Variants in NSD2 observed in about 807,000 individuals in gnomAD.
The protein encoded by NSD2 is histone-lysine N-methyltransferase NSD2.
NSD2 carries 12 observed loss-of-function variants against 139.0 expected under a neutral mutation model. That is an observed-to-expected ratio of 0.09 (90% CI 0.06 to 0.14). The LOEUF is 0.14. NSD2 is among the 10% of genes least tolerant of loss of function. NSD2 has a pLI of 1.00. For missense variants in NSD2, 1,155 were observed against 1,745.0 expected (o/e 0.66, Z 6.02); for synonymous variants, 669 against 648.7 (o/e 1.03, Z -0.48).
chr4:1,938,596 G>T, intron 8 of NSD2, 64 bp downstream of exon 8: 2 of 760,492 alleles, frequency 2.6e-6, no homozygotes, highest in South Asian at 1.4e-5. Context: ...GGGTGGGTGG[G>T]CTGAGAGTGT....
At chr4:1,946,141 T>TA (rs1346340003) in intron 9 of NSD2, 2 of 1,027,430 alleles carry the variant, frequency 1.9e-6, no homozygotes, top group South Asian at 9.2e-5. Context: ...AAAGCTAAAT[T>TA]ATAGTCTTTT....
At chr4:1,887,909 T>C (rs575335072) in intron 1 of NSD2, among the ~76,000 whole-genome samples, 12 of 151,972 alleles carry the variant, frequency 7.9e-5, no homozygotes, top group African/African-American at 2.7e-4. Context: ...GTTCCTTTTT[T>C]TCTTTTTTTT....
rs372548092 is a variant in NSD2 at position 1,930,641 on chromosome 4, C to G, written c.1426C>G (p.Pro476Ala). The change falls in exon 6 of 22, where the codon CCA (proline) becomes GCA (alanine). Residue 476 changes from proline (P) to alanine (A), a missense_variant. Transcript: ENST00000508803. ...KHRDEVVAEH[P>A]DASGEEIEEL... ...GTTCCCACAGGTGGTAGCTGAGCAC[C>G]CAGATGCTTCAGGTGAGGAGATTGA... The G allele has an allele frequency of 4.3e-6, 7 of 1,610,796 alleles. No homozygotes were observed. The highest frequency in any genetic ancestry group is 1.7e-5 in the Admixed American group (1 of 59,598).
intron 15 of NSD2, among the ~76,000 whole-genome samples, 169 bp from the exon 16 acceptor site, chr4:1,957,764 G>A (rs902329618): frequency 6.6e-6 from 1 of 152,068 alleles, no homozygotes; most frequent in Non-Finnish European, 1.5e-5. Flanking sequence ...ACACTTGGCC[G>A]CATTTAAAAA....
At chr4:1,968,495 C>T (rs1726111575) in intron 18 of NSD2, among the ~76,000 whole-genome samples, 1 of 152,076 alleles carries the variant, frequency 6.6e-6, no homozygotes, top group African/African-American at 2.4e-5. Context: ...ACATGGGAAA[C>T]TGCTAAATGA....
Position 1,978,841 on chromosome 4 carries a change from G to A in NSD2, c.4030G>A (p.Glu1344Lys), listed in dbSNP as rs950025435. ...CACCAAGACTGAGAAGCCCCCCCCA[G>A]AGCCAGGGAAGCCGAAGGGGAAGAG... ...RSTKTEKPPP[E>K]PGKPKGKRRR... Residue 1344 changes from glutamate to lysine, a missense_variant, in exon 22 of 22, where the codon GAG becomes AAG. By Grantham distance (56) the Glu-to-Lys change is moderately conservative (BLOSUM62 1). Coordinates refer to ENST00000508803, the MANE Select transcript of NSD2 (RefSeq NM_001042424.3). 8 of 1,602,528 alleles carry A rather than the reference G, an allele frequency of 5.0e-6. No individual in the cohort carries two copies. The highest frequency in any genetic ancestry group is 2.2e-5 in the East Asian group (1 of 44,514).
At chr4:1,888,211 G>A (rs1254144814) in intron 1 of NSD2, among the ~76,000 whole-genome samples, 2 of 151,912 alleles carry the variant, frequency 1.3e-5, no homozygotes, top group South Asian at 2.1e-4. Context: ...TCAGGAGTTC[G>A]AGACCAGCCT....
intron 1 of NSD2, among the ~76,000 whole-genome samples, chr4:1,873,171 T>C (rs565042993): frequency 1.3e-5 from 2 of 152,326 alleles, no homozygotes; most frequent in East Asian, 3.9e-4. Flanking sequence ...TGATGGTTGG[T>C]AGAGTGAGGA....
chr4:1,911,599 AAAAAAAAAG>A (rs1718689452), intron 3 of NSD2, among the ~76,000 whole-genome samples: 2 of 147,838 alleles, frequency 1.4e-5, no homozygotes, highest in South Asian at 2.2e-4. Context: ...AAAAAAAAAA[AAAAAAAAAG>A]AAAAAAAAAA....
chr4:1,938,401 C>CTTTTTTTTTCTTTT (rs1722674160), intron 7 of NSD2, 50 bp from the exon 8 acceptor site: 1 of 854,920 alleles, frequency 1.2e-6, no homozygotes, highest in African/African-American at 2.8e-5. Flanking sequence ...TTTTTCTTTT[C>CTTTTTTTTTCTTTT]TTTTTTTTTT....
intron 7 of NSD2, among the ~76,000 whole-genome samples, chr4:1,938,176 C>A (rs546622975): frequency 1.3e-5 from 2 of 152,296 alleles, no homozygotes; most frequent in Admixed American, 1.3e-4. Context: ...CCTCGCCCTC[C>A]TGACAGATGC....
At chr4:1,961,216 T>A in intron 18 of NSD2, 65 bp downstream of exon 18, 1 of 1,359,272 alleles carries the variant, frequency 7.4e-7, no homozygotes, top group Non-Finnish European at 1.0e-6. Context: ...TGGTCACCTG[T>A]AGAACTGGAC....
intron 8 of NSD2, chr4:1,939,417 C>T (rs1462750327): frequency 7.3e-6 from 4 of 545,194 alleles, no homozygotes; most frequent in East Asian, 3.1e-5. Context: ...GATAGAGCCA[C>T]GCTGGCCCCA....
chr4:1,882,322 T>A (rs1714760990), intron 1 of NSD2, among the ~76,000 whole-genome samples: 1 of 152,158 alleles, frequency 6.6e-6, no homozygotes, highest in Non-Finnish European at 1.5e-5. Context: ...GTGTTCCCTT[T>A]CTCTTGTTTC....
intron 3 of NSD2, among the ~76,000 whole-genome samples, chr4:1,904,921 A>G (rs1367146403): frequency 6.6e-6 from 1 of 152,206 alleles, no homozygotes; most frequent in East Asian, 1.9e-4. Context: ...ACTTGAGGTC[A>G]GGAGTTCGAG....
chr4:1,976,851 C>A lies in NSD2; in HGVS notation c.3826+172C>A, dbSNP rs1175187606. ...GCAGAGCCTTTCTTTGTTCCACCAG[C>A]CGCACATTCTAGATCTCTGCATCGA... On this transcript the variant is annotated intron_variant, in intron 21 of 21. Coordinates refer to ENST00000508803, the MANE Select transcript of NSD2 (RefSeq NM_001042424.3). The surrounding 1 kb of genome is among the most constrained non-coding windows in gnomAD (Gnocchi z 5.3). Among the ~76,000 whole-genome samples the A allele has an allele frequency of 6.6e-6, 1 of 152,262 alleles. No individual in the cohort carries two copies. The highest frequency in any genetic ancestry group is 1.9e-4 in the East Asian group (1 of 5,202).
At chr4:1,947,091 C>A in intron 9 of NSD2, 4 of 1,064,692 alleles carry the variant, frequency 3.8e-6, no homozygotes, top group Non-Finnish European at 4.6e-6. Context: ...GTATTGTGGG[C>A]AGTTTTGTCA....
intron 1 of NSD2, among the ~76,000 whole-genome samples, chr4:1,874,207 AC>A (rs1714085499): frequency 6.6e-6 from 1 of 152,124 alleles, no homozygotes; most frequent in African/African-American, 2.4e-5. Context: ...AATGCATACA[AC>A]TTTGGATAAG....
intron 3 of NSD2, among the ~76,000 whole-genome samples, chr4:1,906,287 G>T (rs1190409183): frequency 6.6e-6 from 1 of 152,022 alleles, no homozygotes; most frequent in Non-Finnish European, 1.5e-5. Flanking sequence ...CACCCAAACT[G>T]GAGTGCAGTG....
Sources: gnomAD v4.1 joint callset for allele counts (sites outside exome capture counted in the v4.1 genomes callset) on GRCh38, gnomAD v4.1.1 for gene constraint, Gnocchi (gnomAD v3.1) non-coding constraint, MANE v1.5 for transcripts, NCBI Gene and HGNC (gene_info 2026-07-23, HGNC 2026-07-21) for gene names.